CDH4: variants seen among roughly 807,000 people sequenced by gnomAD.
CDH4 encodes cadherin-4.
CDH4 carries 33 observed loss-of-function variants against 86.0 expected under a neutral mutation model. The ratio of observed to expected loss-of-function variants is 0.38; its 90% confidence interval spans 0.29 to 0.51. The LOEUF (loss-of-function observed/expected upper bound fraction) is 0.51. CDH4 is among the 20% of genes least tolerant of loss of function. CDH4 has a pLI of 0.86. For missense variants in CDH4, 1,114 were observed against 1,307.4 expected (o/e 0.85, Z 2.28); for synonymous variants, 555 against 549.4 (o/e 1.01, Z -0.14).
Position 61,258,330 on chromosome 20 carries a change from AAAAAAAAAAAAAAAAG to A in CDH4, c.169+3406_169+3421del, listed in dbSNP as rs1222520983. On this transcript the variant is annotated intron_variant, in intron 2 of 15. Coordinates refer to ENST00000614565, the MANE Select transcript of CDH4 (RefSeq NM_001794.5). ...GGGCAAAAGAACGAGACTCCGTCTC[AAAAAAAAAAAAAAAAG>A]AAAAAAAAAAAAGAAAGAGGAGCAT... Among the ~76,000 whole-genome samples the A allele has an allele frequency of 3.5e-4, 5 of 14,126 alleles. No individual in the cohort carries two copies. The Admixed American group carries it at 3.9e-3, about 11-fold the overall frequency. 9.3% of individuals were successfully genotyped at this position (14,126 alleles called of 152,430 possible). A position where few individuals can be genotyped will look rare whatever the true frequency, so the allele number is the denominator to read the frequency against.
At chr20:61,661,771 C>T (rs2087260196) in intron 2 of CDH4, among the ~76,000 whole-genome samples, 1 of 152,102 alleles carries the variant, frequency 6.6e-6, no homozygotes, top group South Asian at 2.1e-4. Context: ...TTTGAGTGTC[C>T]GCCCATCATT....
intron 2 of CDH4, among the ~76,000 whole-genome samples, chr20:61,521,953 C>T (rs2085872345): frequency 6.6e-6 from 1 of 152,194 alleles, no homozygotes; most frequent in African/African-American, 2.4e-5. Context: ...CACAAGTGAG[C>T]ATAGATCTTG....
At chr20:61,817,350 C>T (rs1036851265) in intron 4 of CDH4, among the ~76,000 whole-genome samples, 4 of 152,160 alleles carry the variant, frequency 2.6e-5, no homozygotes, top group Non-Finnish European at 4.4e-5. Flanking sequence ...CCGCCTCTGC[C>T]TGGTTGCTCT....
intron 2 of CDH4, among the ~76,000 whole-genome samples, chr20:61,535,533 T>C (rs539467807): frequency 6.6e-6 from 1 of 152,260 alleles, no homozygotes; most frequent in South Asian, 2.1e-4. Flanking sequence ...AAGTAGAATG[T>C]TTTTAGAAAT....
intron 2 of CDH4, among the ~76,000 whole-genome samples, chr20:61,494,144 G>A (rs1600711261): frequency 1.3e-5 from 2 of 152,208 alleles, no homozygotes; most frequent in East Asian, 3.8e-4. Context: ...CTGGGTGTGA[G>A]CCCCTGCAAG....
At chr20:61,738,533 C>G (rs191650101) in intron 2 of CDH4, 16 of 152,372 alleles carry the variant, frequency 1.1e-4, no homozygotes, top group African/African-American at 3.4e-4. Flanking sequence ...TGCAGAACCC[C>G]TGCATTCTGA....
rs530946051 is a variant in CDH4 at position 61,869,350 on chromosome 20, T to A, written c.878-4378T>A. On this transcript the variant is annotated intron_variant, in intron 6 of 15. Transcript: ENST00000614565. Reference sequence around the variant, plus strand: ...ACAGCCGTGCCCATTGCTGGACGCATCCTCTCAGGCTGCTTCTGTGCAGCT... The same window carrying A: ...ACAGCCGTGCCCATTGCTGGACGCAACCTCTCAGGCTGCTTCTGTGCAGCT... Among the ~76,000 whole-genome samples the A allele has an allele frequency of 3.0e-4, 45 of 152,330 alleles. 1 individual carries two copies. The South Asian group carries it at 8.9e-3, about 30-fold the overall frequency.
chr20:61,777,255 A>ATGAG (rs141271975), intron 4 of CDH4, among the ~76,000 whole-genome samples: 2,101 of 152,270 alleles, frequency 0.014, 54 homozygotes, highest in African/African-American at 0.045. Context: ...GAGGGAATGA[A>ATGAG]TGAGTGAGTG....
At chr20:61,893,522 G>A (rs559102935) in intron 7 of CDH4, among the ~76,000 whole-genome samples, 5 of 148,288 alleles carry the variant, frequency 3.4e-5, no homozygotes, top group African/African-American at 1.2e-4. Flanking sequence ...TAGATGGGTG[G>A]GCGAATAGAG....
chr20:61,655,839 C>T (rs1013925859), intron 2 of CDH4, among the ~76,000 whole-genome samples: 5 of 152,244 alleles, frequency 3.3e-5, no homozygotes, highest in African/African-American at 4.8e-5. Context: ...CACCTGCATG[C>T]AGTCGGTGAA....
intron 4 of CDH4, among the ~76,000 whole-genome samples, chr20:61,793,273 G>A (rs1017582586): frequency 2.6e-5 from 4 of 152,050 alleles, no homozygotes; most frequent in Admixed American, 2.0e-4. Flanking sequence ...CCCAGATGGT[G>A]CAGTCTTAAT....
At chr20:61,410,899 A>G (rs1383398873) in intron 2 of CDH4, among the ~76,000 whole-genome samples, 3 of 150,182 alleles carry the variant, frequency 2.0e-5, no homozygotes, top group Non-Finnish European at 4.4e-5. Context: ...TGATCTCTCC[A>G]TCTATTCATC....
intron 2 of CDH4, among the ~76,000 whole-genome samples, chr20:61,372,724 G>C (rs565142093): frequency 6.7e-6 from 1 of 150,272 alleles, no homozygotes; most frequent in Non-Finnish European, 1.5e-5. Flanking sequence ...CGTGCCAGCC[G>C]GGTCTCAGTT....
At chr20:61,640,709 G>C (rs916646141) in intron 2 of CDH4, among the ~76,000 whole-genome samples, 6 of 152,158 alleles carry the variant, frequency 3.9e-5, no homozygotes, top group African/African-American at 1.4e-4. Flanking sequence ...GAGCAGCCTT[G>C]AATCCATACA....
At chr20:61,916,655 C>A (rs934632565) in intron 9 of CDH4, among the ~76,000 whole-genome samples, 1 of 152,222 alleles carries the variant, frequency 6.6e-6, no homozygotes, top group Non-Finnish European at 1.5e-5. Context: ...GAAGGGTCCC[C>A]TGAGTCCCTC....
At chr20:61,768,395 T>C (rs1291499228) in intron 3 of CDH4, among the ~76,000 whole-genome samples, 6 of 152,220 alleles carry the variant, frequency 3.9e-5, no homozygotes, top group Admixed American at 3.9e-4. Flanking sequence ...CATGTGTGCA[T>C]AGCGCCTGTA....
Position 61,827,325 on chromosome 20 carries a change from G to A in CDH4, c.577-17343G>A, listed in dbSNP as rs191354835. ...AATTTTACTTACATATTCCTGGTGG[G>A]ATATAGTCCAAGACCAAAAAGAAAA... On this transcript the variant is annotated intron_variant, in intron 4 of 15. Transcript: ENST00000614565. Among the ~76,000 whole-genome samples, 3 of 152,288 alleles carry A rather than the reference G, an allele frequency of 2.0e-5. No individual in the cohort carries two copies. The East Asian group carries it at 5.8e-4, about 29-fold the overall frequency.
intron 2 of CDH4, among the ~76,000 whole-genome samples, chr20:61,574,748 G>A (rs1308708119): frequency 2.0e-5 from 3 of 152,088 alleles, no homozygotes; most frequent in African/African-American, 7.2e-5. Context: ...TGCTTTAGGG[G>A]CTGGATCCTC....
At chr20:61,839,607 TTGTG>T (rs770622211) in intron 4 of CDH4, among the ~76,000 whole-genome samples, 1 of 151,472 alleles carries the variant, frequency 6.6e-6, no homozygotes, top group African/African-American at 2.4e-5. Flanking sequence ...TGAGTGTATG[TTGTG>T]TGTTTGTGTA....
Sources: gnomAD v4.1 joint callset for allele counts (sites outside exome capture counted in the v4.1 genomes callset) on GRCh38, gnomAD v4.1.1 for gene constraint, MANE v1.5 for transcripts, NCBI Gene and HGNC (gene_info 2026-07-23, HGNC 2026-07-21) for gene names.